Variants in CNTN2 observed in about 807,000 individuals in gnomAD.
CNTN2 encodes the protein contactin-2.
In CNTN2, 53 loss-of-function variants were observed where a neutral mutation model predicts 117.5. That is an observed-to-expected ratio of 0.45 (90% CI 0.36 to 0.57). The LOEUF (loss-of-function observed/expected upper bound fraction) is 0.57. CNTN2 is among the 20% of genes least tolerant of loss of function. CNTN2 has a pLI of 0.00. For synonymous variants in CNTN2, 530 were observed against 561.7 expected, an observed-to-expected ratio of 0.94 and a Z score of 0.80; for missense variants, 1,106 against 1,404.3, an observed-to-expected ratio of 0.79 and a Z score of 3.39.
intron 1 of CNTN2, among the ~76,000 whole-genome samples, chr1:205,052,850 G>A (rs1311766961): frequency 1.3e-5 from 2 of 152,166 alleles, no homozygotes; most frequent in Admixed American, 6.5e-5. Flanking sequence ...CACCCCACTG[G>A]CTGGAATGGG....
Position 205,058,387 on chromosome 1 carries a change from G to T in CNTN2, c.391+31G>T, listed in dbSNP as rs1468788664. The T allele has an allele frequency of 3.3e-6, 5 of 1,534,706 alleles. No individual in the cohort carries two copies. Among genetic ancestry groups the T allele is most frequent in the Non-Finnish European group, 4.4e-6 (5 of 1,138,108 alleles). The stretch of plus-strand genomic sequence containing the variant: ...ACCCGCGGGGGACCAAGACACTTTG[G>T]GGGAGGGGGAGAGGGGGCTAGGAGA... On this transcript the variant is annotated intron_variant, in intron 4 of 22. Coordinates refer to ENST00000331830, the MANE Select transcript of CNTN2 (RefSeq NM_005076.5). This position sits in a 1 kb window ranked among gnomAD's most constrained non-coding sequence, Gnocchi z 4.3.
chr1:205,045,738 C>T (rs1272393992), intron 1 of CNTN2, among the ~76,000 whole-genome samples: 1 of 152,052 alleles, frequency 6.6e-6, no homozygotes, highest in Non-Finnish European at 1.5e-5. Flanking sequence ...AAGAATATGC[C>T]AGGGAAGCCA....
intron 10 of CNTN2, 98 bp downstream of exon 10, chr1:205,062,667 C>G (rs1239769259): frequency 7.3e-7 from 1 of 1,364,524 alleles, no homozygotes; most frequent in Non-Finnish European, 9.7e-7. Flanking sequence ...ATGCACATAC[C>G]CTGTGGCCAT....
At chr1:205,071,645 C>T (rs1244381134) in intron 19 of CNTN2, among the ~76,000 whole-genome samples, 1 of 152,176 alleles carries the variant, frequency 6.6e-6, no homozygotes, top group Non-Finnish European at 1.5e-5. Context: ...CACGGTAGCC[C>T]CCCAAGTTAA....
Position 205,064,564 on chromosome 1 carries a change from G to A in CNTN2, c.1392-59G>A, listed in dbSNP as rs958109311. ...TCCTGTGACAACAGTCACAGGAGTT[G>A]GCCAGCCCCAGGGACAACCATGCCT... On this transcript the variant is annotated intron_variant, in intron 11 of 22. Transcript: ENST00000331830. The A allele has an allele frequency of 1.0e-5, 16 of 1,602,354 alleles. No individual in the cohort carries two copies. The Admixed American group carries it at 2.4e-4, about 24-fold the overall frequency.
chr1:205,053,858 A>G (rs1022007817), intron 2 of CNTN2, among the ~76,000 whole-genome samples: 6 of 152,202 alleles, frequency 3.9e-5, no homozygotes, highest in Non-Finnish European at 8.8e-5. Context: ...CAAGCATAGA[A>G]CAGGATCTGG....
At chr1:205,072,664 C>A in intron 21 of CNTN2, 69 bp downstream of exon 21, 2 of 1,197,488 alleles carry the variant, frequency 1.7e-6, no homozygotes, top group East Asian at 2.3e-5. Flanking sequence ...TGAACATAAG[C>A]AGCAGCAATT....
chr1:205,071,776 A>T (rs1416056550), intron 19 of CNTN2, among the ~76,000 whole-genome samples, 171 bp from the exon 20 acceptor site: 1 of 151,740 alleles, frequency 6.6e-6, no homozygotes, highest in East Asian at 1.9e-4. Flanking sequence ...AGGGACTCAC[A>T]CCCACATGGC....
chr1:205,052,787 C>T (rs945668119), intron 1 of CNTN2, among the ~76,000 whole-genome samples: 1 of 152,228 alleles, frequency 6.6e-6, no homozygotes, highest in South Asian at 2.1e-4. Context: ...ACGGGCGAGA[C>T]GGCAGGTGGG....
chr1:205,065,151 A>C lies in CNTN2; in HGVS notation c.1584A>C (p.Leu528=). 6.2e-7 allele frequency: 1 copy of C among 1,613,938 alleles called. No individual in the cohort carries two copies. The highest frequency in any genetic ancestry group is 8.5e-7 in the Non-Finnish European group (1 of 1,179,968). ...ADINLGDNLT[L]QCHASHDPTM... Reference sequence around the variant, plus strand: ...TCAACTTGGGTGACAACCTGACCCTACAGTGCCATGCCTCCCACGACCCCA... The same window carrying C: ...TCAACTTGGGTGACAACCTGACCCTCCAGTGCCATGCCTCCCACGACCCCA... The change falls in exon 13 of 23, where the codon CTA becomes CTC. Residue 528 remains leucine (L), a synonymous_variant. Transcript: ENST00000331830. The surrounding 1 kb of genome is among the most constrained non-coding windows in gnomAD (Gnocchi z 4.1).
At chr1:205,045,206 T>C (rs1417185728) in intron 1 of CNTN2, among the ~76,000 whole-genome samples, 4 of 152,122 alleles carry the variant, frequency 2.6e-5, no homozygotes. Flanking sequence ...CTTTCTCTCT[T>C]ACTCTCCTCC....
In CNTN2 at chr1:205,074,347, A is replaced by T; in HGVS notation, c.*582A>T. The T allele has an allele frequency of 2.5e-6, 1 of 400,258 alleles. No homozygotes were observed. Among genetic ancestry groups the T allele is most frequent in the South Asian group, 1.3e-4 (1 of 7,924 alleles). 24.8% of individuals were successfully genotyped at this position (400,258 alleles called of 1,614,324 possible). ...CTGCCTGCCCAAGCGGCTGAGAACCAGCGCCCCGATGCCTGAGGCTGGGAG... is the reference window on the plus strand; with the variant it reads ...CTGCCTGCCCAAGCGGCTGAGAACCTGCGCCCCGATGCCTGAGGCTGGGAG... On this transcript the variant is annotated 3_prime_UTR_variant, in exon 23 of 23. Coordinates refer to ENST00000331830, the MANE Select transcript of CNTN2 (RefSeq NM_005076.5).
At chr1:205,047,499 AGT>A (rs1255108181) in intron 1 of CNTN2, among the ~76,000 whole-genome samples, 9 of 152,126 alleles carry the variant, frequency 5.9e-5, no homozygotes, top group African/African-American at 2.2e-4. Flanking sequence ...GTTGAGAAGG[AGT>A]ACCTGCTTGG....
intron 16 of CNTN2, 122 bp from the exon 17 acceptor site, chr1:205,069,369 G>T (rs1654461975): frequency 4.6e-6 from 4 of 874,608 alleles, no homozygotes; most frequent in Admixed American, 5.5e-5. Context: ...CCACTGGGGG[G>T]CAAACCCAGG....
intron 16 of CNTN2, chr1:205,067,998 T>C (rs1654395537): frequency 6.6e-6 from 1 of 151,014 alleles, no homozygotes; most frequent in African/African-American, 2.5e-5. Context: ...GATGTGTGTG[T>C]GTTCTGTGCA....
Position 205,072,465 on chromosome 1 carries a change from ATTC to A in CNTN2, c.2732-14_2732-12del. ...AGGGAAACGTTTGGACATCTCTCCA[ATTC>A]TTCCTCTCTGGCAGCTCCGCGGCGA... On this transcript the variant is annotated splice_polypyrimidine_tract_variant and intron_variant, in intron 20 of 22. Transcript: ENST00000331830. 6.2e-7 allele frequency: 1 copy of A among 1,608,960 alleles called. No individual in the cohort carries two copies. Among genetic ancestry groups the A allele is most frequent in the Non-Finnish European group, 8.5e-7 (1 of 1,175,560 alleles).
intron 12 of CNTN2, 103 bp from the exon 13 acceptor site, chr1:205,064,982 TTC>T (rs1654200455): frequency 5.2e-6 from 7 of 1,351,962 alleles, no homozygotes; most frequent in Non-Finnish European, 3.1e-6. Context: ...ACACCACCTC[TTC>T]TCTTTGCTGG....
At chr1:205,069,776 G>T in intron 17 of CNTN2, 51 bp from the exon 18 acceptor site, 1 of 1,578,148 alleles carries the variant, frequency 6.3e-7, no homozygotes, top group Non-Finnish European at 8.7e-7. Context: ...CAGGGAACGG[G>T]CAGGGACACA....
At chr1:205,070,776 TC>T (rs1302007079) in intron 19 of CNTN2, 2 of 315,836 alleles carry the variant, frequency 6.3e-6, no homozygotes, top group Non-Finnish European at 1.2e-5. Flanking sequence ...GCGGTAGATC[TC>T]CTGAGATCAG....
Sources: gnomAD v4.1 joint callset for allele counts (sites outside exome capture counted in the v4.1 genomes callset) on GRCh38, gnomAD v4.1.1 for gene constraint, Gnocchi (gnomAD v3.1) non-coding constraint, MANE v1.5 for transcripts, NCBI Gene and HGNC (gene_info 2026-07-23, HGNC 2026-07-21) for gene names.